The following CD9 variants were observed in gnomAD, a reference collection of about 807,000 sequenced individuals.
CD9 encodes CD9 antigen.
In CD9, 10 loss-of-function variants were observed where a neutral mutation model predicts 31.4. The observed-to-expected ratio is 0.32, with a 90% CI of 0.20 to 0.54. The LOEUF (loss-of-function observed/expected upper bound fraction) is 0.54. Among genes scored for constraint, CD9 ranks in the 20% least tolerant of loss-of-function variants. The probability of loss-of-function intolerance (pLI) is 0.94; values close to 1 mark genes in which losing one functional copy is unlikely to be tolerated. For synonymous variants in CD9, 113 were observed against 114.1 expected (o/e 0.99, Z 0.06); for missense variants, 259 against 300.1 (o/e 0.86, Z 1.01).
chr12:6,216,508 A>G (rs879774814), intron 1 of CD9, among the ~76,000 whole-genome samples: 6 of 152,188 alleles, frequency 3.9e-5, no homozygotes, highest in Admixed American at 6.5e-5. Context: ...TCTCTCTGTT[A>G]TCTGCTGCTG....
Position 6,201,275 on chromosome 12 carries a change from A to T in CD9, c.66+710A>T, listed in dbSNP as rs59240182. ...GACTAGCTTGTCTTGATTTCTTTCA[A>T]GGACGATAAGTATCTTCACTGGAGA... On this transcript the variant is annotated intron_variant, in intron 1 of 7. Coordinates refer to ENST00000009180, the MANE Select transcript of CD9 (RefSeq NM_001769.4). Among the ~76,000 whole-genome samples the T allele has an allele frequency of 2.7e-3, 402 of 151,534 alleles. 1 individual carries two copies. Among genetic ancestry groups the T allele is most frequent in the African/African-American group, 9.3e-3 (384 of 41,428 alleles).
intron 1 of CD9, among the ~76,000 whole-genome samples, chr12:6,223,743 C>T (rs774586019): frequency 2.0e-5 from 3 of 152,174 alleles, no homozygotes; most frequent in Non-Finnish European, 2.9e-5. Flanking sequence ...AAGCTAACTG[C>T]AGTGCTCTTG....
chr12:6,227,733 A>G (rs1375515879), intron 2 of CD9, among the ~76,000 whole-genome samples: 1 of 152,164 alleles, frequency 6.6e-6, no homozygotes, highest in Non-Finnish European at 1.5e-5. Context: ...TGTCATTGCC[A>G]GGTTGTGGGG....
chr12:6,233,274 C>T lies in CD9; in HGVS notation c.274-138C>T, dbSNP rs555304002. On this transcript the variant is annotated intron_variant, in intron 3 of 7. Coordinates refer to ENST00000009180, the MANE Select transcript of CD9 (RefSeq NM_001769.4). ...CCTGTTCTGTGAACTTCTTCCCTGC[C>T]CCTGCTAGGCTATTCATTTGTGTCA... 5 of 677,734 alleles carry T rather than the reference C, an allele frequency of 7.4e-6. No homozygotes were observed. In the Middle Eastern group the frequency reaches 7.6e-4, roughly 102 times the overall value. The allele number at this position is 677,734 out of a possible 1,614,324, so 42.0% of individuals were successfully genotyped here. A position where few individuals can be genotyped will look rare whatever the true frequency, so the allele number is the denominator to read the frequency against.
chr12:6,226,877 C>T (rs917676372), intron 2 of CD9, among the ~76,000 whole-genome samples: 2 of 152,116 alleles, frequency 1.3e-5, no homozygotes, highest in African/African-American at 2.4e-5. Flanking sequence ...AGGGAGGAGC[C>T]GGGTGCGGGT....
intron 1 of CD9, among the ~76,000 whole-genome samples, chr12:6,206,900 ATT>A (rs541948925): frequency 2.2e-5 from 3 of 137,530 alleles, no homozygotes; most frequent in Non-Finnish European, 1.6e-5. Flanking sequence ...GCCCATAGAC[ATT>A]TTTTTTTTTT....
At chr12:6,207,823 T>C (rs1946149628) in intron 1 of CD9, among the ~76,000 whole-genome samples, 1 of 152,130 alleles carries the variant, frequency 6.6e-6, no homozygotes, top group Non-Finnish European at 1.5e-5. Flanking sequence ...ACTACTGACT[T>C]GGAGAAAAAT....
chr12:6,219,630 C>T (rs1481137187), intron 1 of CD9, among the ~76,000 whole-genome samples: 4 of 152,026 alleles, frequency 2.6e-5, no homozygotes, highest in Non-Finnish European at 5.9e-5. Flanking sequence ...GTACTACAGG[C>T]ACCCGCCACC....
intron 2 of CD9, among the ~76,000 whole-genome samples, chr12:6,231,335 T>C (rs1946444502): frequency 6.6e-6 from 1 of 152,230 alleles, no homozygotes; most frequent in Non-Finnish European, 1.5e-5. Context: ...TTATTGCTAC[T>C]CCTGTTTTAC....
chr12:6,218,290 G>A (rs1002584630), intron 1 of CD9, among the ~76,000 whole-genome samples: 2 of 152,194 alleles, frequency 1.3e-5, no homozygotes, highest in African/African-American at 4.8e-5. Context: ...GGAGGAAAAG[G>A]GGGCCCACGC....
At position 6,237,815 on chromosome 12, in the gene CD9, G is replaced by A. The variant is rs190218669; in HGVS notation, c.674G>A (p.Arg225His). 6.2e-6 allele frequency: 10 copies of A among 1,612,434 alleles called. No individual in the cohort carries two copies. The East Asian group carries it at 6.7e-5, about 11-fold the overall frequency. Residue 225 changes from arginine (R) to histidine (H), a missense_variant, in exon 8 of 8, where the codon CGC becomes CAC. Coordinates refer to ENST00000009180, the MANE Select transcript of CD9 (RefSeq NM_001769.4). Reference protein sequence around the residue: ...MILCCAIRRNREMV With the variant: ...MILCCAIRRNHEMV ...TTGTGCTGTGCTATCCGCAGGAACCGCGAGATGGTCTAGAGTCAGCTTACA... is the reference window on the plus strand; with the variant it reads ...TTGTGCTGTGCTATCCGCAGGAACCACGAGATGGTCTAGAGTCAGCTTACA...
At chr12:6,219,737 G>A (rs998955622) in intron 1 of CD9, among the ~76,000 whole-genome samples, 6 of 152,134 alleles carry the variant, frequency 3.9e-5, no homozygotes, top group African/African-American at 1.2e-4. Flanking sequence ...CGCCCGCCTC[G>A]GCCTCCCAAA....
chr12:6,236,234 C>G lies in CD9; in HGVS notation c.580C>G (p.His194Asp). Reference sequence around the variant, plus strand: ...CAAAGAGGTCTTCGACAATAAATTCCACATCATCGGCGCAGTGGGCATCGG... The same window carrying G: ...CAAAGAGGTCTTCGACAATAAATTCGACATCATCGGCGCAGTGGGCATCGG... ...AIKEVFDNKF[H>D]IIGAVGIGIA... Residue 194 changes from histidine (H) to aspartate (D), a missense_variant, in exon 7 of 8, where the codon CAC becomes GAC. By Grantham distance (81) the His-to-Asp change is moderately conservative (BLOSUM62 -1). Transcript: ENST00000009180. 6.2e-7 allele frequency: 1 copy of G among 1,614,192 alleles called. No homozygotes were observed. The highest frequency in any genetic ancestry group is 1.6e-4 in the Middle Eastern group (1 of 6,062).
At chr12:6,214,038 C>T (rs928714518) in intron 1 of CD9, among the ~76,000 whole-genome samples, 4 of 152,186 alleles carry the variant, frequency 2.6e-5, no homozygotes, top group African/African-American at 9.7e-5. Context: ...CCAGTCACCC[C>T]CTGGCCAGTG....
At position 6,225,481 on chromosome 12, in the gene CD9, C is replaced by A; in HGVS notation, c.122C>A (p.Thr41Asn). 1.2e-6 allele frequency: 2 copies of A among 1,613,774 alleles called. No homozygotes were observed. The highest frequency in any genetic ancestry group is 1.7e-6 in the Non-Finnish European group (2 of 1,179,700). The change falls in exon 2 of 8, where the codon ACC (threonine) becomes AAC (asparagine). Residue 41 changes from threonine to asparagine, a missense_variant. Thr to Asn is a moderately conservative substitution (Grantham distance 65). Transcript: ENST00000009180. ...CTATGGCTCCGATTCGACTCTCAGA[C>A]CAAGAGCATCTTCGAGCAAGAAACT... is the stretch of plus-strand genomic sequence containing the variant. The part of the protein sequence containing the change: ...IGLWLRFDSQ[T>N]KSIFEQETNN...
intron 1 of CD9, among the ~76,000 whole-genome samples, chr12:6,222,092 G>A (rs1000922583): frequency 2.0e-4 from 30 of 152,198 alleles, no homozygotes; most frequent in Admixed American, 7.2e-4. Context: ...ACTTCAGAGC[G>A]CCTTAGATAG....
chr12:6,211,458 C>T (rs1443393472), intron 1 of CD9, among the ~76,000 whole-genome samples: 1 of 152,160 alleles, frequency 6.6e-6, no homozygotes, highest in Non-Finnish European at 1.5e-5. Context: ...GCCGGAAGTG[C>T]TTTTAGCCGA....
At chr12:6,223,821 C>T (rs1172651070) in intron 1 of CD9, among the ~76,000 whole-genome samples, 2 of 152,190 alleles carry the variant, frequency 1.3e-5, no homozygotes, top group Admixed American at 1.3e-4. Flanking sequence ...TCACGCTTCT[C>T]CCCAACCAAA....
At chr12:6,211,605 A>G (rs1946194846) in intron 1 of CD9, among the ~76,000 whole-genome samples, 1 of 152,232 alleles carries the variant, frequency 6.6e-6, no homozygotes, top group Non-Finnish European at 1.5e-5. Flanking sequence ...AAGTGGCTAG[A>G]GTGTGTCAGC....
Sources: allele counts gnomAD v4.1 joint callset (sites outside exome capture counted in the v4.1 genomes callset), GRCh38; gene constraint gnomAD v4.1.1; transcripts MANE v1.5; gene names NCBI Gene and HGNC (gene_info 2026-07-23, HGNC 2026-07-21).